The following CSRNP3 variants were observed in gnomAD, a reference collection of about 807,000 sequenced individuals.
The protein encoded by CSRNP3 is cysteine/serine-rich nuclear protein 3.
In CSRNP3, 12 loss-of-function variants were observed where a neutral mutation model predicts 48.0. The ratio of observed to expected loss-of-function variants is 0.25; its 90% confidence interval spans 0.16 to 0.41. CSRNP3 has a LOEUF of 0.41. Among genes scored for constraint, CSRNP3 ranks in the 10% least tolerant of loss-of-function variants. The pLI, the probability that CSRNP3 is intolerant of heterozygous loss-of-function variation, is 1.00. For missense variants in CSRNP3, 580 were observed against 724.4 expected (o/e 0.80, Z 2.29); for synonymous variants, 263 against 269.7 (o/e 0.98, Z 0.24).
At chr2:165,678,316 G>A (rs1687462994) in intron 6 of CSRNP3, among the ~76,000 whole-genome samples, 1 of 152,176 alleles carries the variant, frequency 6.6e-6, no homozygotes, top group African/African-American at 2.4e-5. Flanking sequence ...CAAGAGCTGG[G>A]GTGCAGCAGA....
chr2:165,673,131 C>T (rs369905829), intron 5 of CSRNP3, among the ~76,000 whole-genome samples: 29 of 67,116 alleles, frequency 4.3e-4, no homozygotes, highest in Admixed American at 9.6e-4. Context: ...GTATGTAGCT[C>T]TTTTTTTTTT....
At chr2:165,586,322 G>A (rs1166922139) in intron 3 of CSRNP3, among the ~76,000 whole-genome samples, 2 of 152,074 alleles carry the variant, frequency 1.3e-5, no homozygotes, top group Non-Finnish European at 2.9e-5. Flanking sequence ...TCATGTACGT[G>A]GTTCTAATCC....
intron 3 of CSRNP3, among the ~76,000 whole-genome samples, chr2:165,520,229 GT>G (rs890326672): frequency 4.6e-5 from 7 of 152,058 alleles, no homozygotes; most frequent in Non-Finnish European, 8.8e-5. Flanking sequence ...AGTGATCAGG[GT>G]TTTTTTATGG....
intron 2 of CSRNP3, among the ~76,000 whole-genome samples, chr2:165,517,426 A>C (rs1574816107): frequency 6.6e-6 from 1 of 151,936 alleles, no homozygotes; most frequent in Admixed American, 6.5e-5. Flanking sequence ...AAACAAATCA[A>C]GAACTCTAAC....
chr2:165,675,017 T>C (rs1420814392), intron 5 of CSRNP3, among the ~76,000 whole-genome samples: 1 of 152,090 alleles, frequency 6.6e-6, no homozygotes, highest in Non-Finnish European at 1.5e-5. Flanking sequence ...CTGGCCTTTG[T>C]GATATATTTA....
At chr2:165,533,874 G>A (rs1049787396) in intron 3 of CSRNP3, among the ~76,000 whole-genome samples, 12 of 151,892 alleles carry the variant, frequency 7.9e-5, no homozygotes, top group African/African-American at 2.4e-4. Context: ...AAGTTGATAA[G>A]TGTAAGAAAA....
At chr2:165,622,279 T>C (rs73029885) in intron 4 of CSRNP3, among the ~76,000 whole-genome samples, 12,012 of 152,260 alleles carry the variant, frequency 0.079, 838 homozygotes, top group African/African-American at 0.19. Context: ...TTTGGCTTTA[T>C]ACATCTTTTG....
chr2:165,499,737 C>CA (rs1558917621), intron 2 of CSRNP3, among the ~76,000 whole-genome samples: 1 of 151,738 alleles, frequency 6.6e-6, no homozygotes, highest in African/African-American at 2.4e-5. Flanking sequence ...ATAACAAAAC[C>CA]AAAAAGATAA....
chr2:165,589,146 A>C (rs949021409), intron 3 of CSRNP3, among the ~76,000 whole-genome samples: 1 of 152,172 alleles, frequency 6.6e-6, no homozygotes, highest in Non-Finnish European at 1.5e-5. Context: ...CTCTGTATCT[A>C]GTCAGTCATA....
chr2:165,665,280 C>T (rs1687159872), intron 5 of CSRNP3, among the ~76,000 whole-genome samples: 1 of 152,118 alleles, frequency 6.6e-6, no homozygotes, highest in Non-Finnish European at 1.5e-5. Flanking sequence ...CTTGTTGGTA[C>T]AAAAGAGGCT....
intron 3 of CSRNP3, among the ~76,000 whole-genome samples, chr2:165,521,391 G>C (rs1399490040): frequency 6.6e-6 from 1 of 152,128 alleles, no homozygotes; most frequent in African/African-American, 2.4e-5. Flanking sequence ...GTAGAAAATA[G>C]CATATGCTTT....
At chr2:165,524,265 C>A (rs1458289686) in intron 3 of CSRNP3, among the ~76,000 whole-genome samples, 1 of 152,054 alleles carries the variant, frequency 6.6e-6, no homozygotes, top group Non-Finnish European at 1.5e-5. Flanking sequence ...GGTACTAAAA[C>A]AATTCTTTAA....
chr2:165,626,147 C>T (rs1279314866), intron 4 of CSRNP3, among the ~76,000 whole-genome samples: 1 of 150,464 alleles, frequency 6.6e-6, no homozygotes, highest in Non-Finnish European at 1.5e-5. Context: ...CGCTTGAACT[C>T]AGGGGGCGGA....
At chr2:165,560,100 A>T (rs2105266435) in intron 3 of CSRNP3, among the ~76,000 whole-genome samples, 1 of 151,984 alleles carries the variant, frequency 6.6e-6, no homozygotes, top group African/African-American at 2.4e-5. Context: ...TTTTTCTTAA[A>T]CTGACAGATC....
chr2:165,572,559 A>G (rs956510610), intron 3 of CSRNP3: 1 of 152,220 alleles, frequency 6.6e-6, no homozygotes, highest in Non-Finnish European at 1.5e-5. Context: ...TAAAGAGTGC[A>G]AGGACTAAGA....
At chr2:165,584,961 A>T (rs1685603911) in intron 3 of CSRNP3, among the ~76,000 whole-genome samples, 2 of 152,218 alleles carry the variant, frequency 1.3e-5, no homozygotes, top group South Asian at 4.1e-4. Flanking sequence ...CCGCATTCAA[A>T]GCTGTCCTGG....
At position 165,679,256 on chromosome 2, in the gene CSRNP3, A is replaced by G; in HGVS notation, c.1261A>G (p.Ser421Gly). Residue 421 changes from serine to glycine, a missense_variant, in exon 7 of 7, where the codon AGC (serine) becomes GGC (glycine). By Grantham distance (56) the Ser-to-Gly change is moderately conservative. Transcript: ENST00000651982. ...CYSDGTAVHE[S>G]HAKNASFYAN... ...TTCTGATGGCACCGCCGTTCACGAA[A>G]GCCATGCAAAGAATGCTTCTTTTTA... The G allele has an allele frequency of 6.2e-7, 1 of 1,613,980 alleles. No individual in the cohort carries two copies. The highest frequency in any genetic ancestry group is 8.5e-7 in the Non-Finnish European group (1 of 1,179,992).
At chr2:165,651,080 G>T (rs546953954) in intron 4 of CSRNP3, among the ~76,000 whole-genome samples, 1 of 152,270 alleles carries the variant, frequency 6.6e-6, no homozygotes, top group African/African-American at 2.4e-5. Context: ...TCAAGCATTC[G>T]CTCCAGAGTT....
At chr2:165,606,385 A>T (rs1686012712) in intron 4 of CSRNP3, among the ~76,000 whole-genome samples, 1 of 149,738 alleles carries the variant, frequency 6.7e-6, no homozygotes, top group Non-Finnish European at 1.5e-5. Flanking sequence ...AAAAAAAAAA[A>T]GTAGACATAG....
Sources: gnomAD v4.1 joint callset for allele counts (sites outside exome capture counted in the v4.1 genomes callset) on GRCh38, gnomAD v4.1.1 for gene constraint, MANE v1.5 for transcripts, NCBI Gene and HGNC (gene_info 2026-07-23, HGNC 2026-07-21) for gene names.